TBC1D8: variants seen among roughly 807,000 people sequenced by gnomAD.
TBC1D8 encodes the protein TBC1 domain family member 8.
Under a neutral mutation model 118.8 loss-of-function variants are expected in TBC1D8, and 65 were observed. That is an observed-to-expected ratio of 0.55 (90% CI 0.45 to 0.67). The LOEUF (loss-of-function observed/expected upper bound fraction) is 0.67, where lower values mean the gene tolerates loss of function less well. Among genes scored for constraint, TBC1D8 ranks in the 30% least tolerant of loss-of-function variants. The probability of loss-of-function intolerance (pLI) is 0.00; values close to 1 mark genes in which losing one functional copy is unlikely to be tolerated. For missense variants in TBC1D8, 1,376 were observed against 1,471.2 expected (o/e 0.94, Z 1.06); for synonymous variants, 566 against 595.8 (o/e 0.95, Z 0.73).
intron 2 of TBC1D8, among the ~76,000 whole-genome samples, chr2:101,079,594 T>A (rs796705140): frequency 2.7e-5 from 4 of 150,242 alleles, no homozygotes; most frequent in African/African-American, 9.8e-5. Context: ...CAAGTTGGTC[T>A]GAAACTCTTG....
intron 2 of TBC1D8, among the ~76,000 whole-genome samples, chr2:101,067,249 G>T (rs186073196): frequency 6.6e-6 from 1 of 152,324 alleles, no homozygotes. Context: ...GTACAGCCAT[G>T]ACAAGGTACT....
In TBC1D8 at chr2:101,008,147, G is replaced by C; in HGVS notation, c.3142C>G (p.Arg1048Gly). ...GAGCAGCTTCCAGAGCTGCTGCCTCGCTGCCCCACCTCCCCGATCTGCAGC... is the reference window on the plus strand; with the variant it reads ...GAGCAGCTTCCAGAGCTGCTGCCTCCCTGCCCCACCTCCCCGATCTGCAGC... ...LLLQIGEVGQ[R>G]GSSSGSCSQE... The change falls in exon 20 of 20, where the codon CGA becomes GGA. Residue 1048 changes from arginine to glycine, a missense_variant. Transcript: ENST00000409318. 6.2e-7 allele frequency: 1 copy of C among 1,613,730 alleles called. No individual in the cohort carries two copies. The highest frequency in any genetic ancestry group is 8.5e-7 in the Non-Finnish European group (1 of 1,179,772).
At chr2:101,119,001 C>G (rs956269065) in intron 1 of TBC1D8, among the ~76,000 whole-genome samples, 2 of 152,078 alleles carry the variant, frequency 1.3e-5, no homozygotes, top group African/African-American at 4.8e-5. Context: ...CAGACTGAGA[C>G]CCTGTCTCTG....
chr2:101,129,881 G>A (rs1389642750), intron 1 of TBC1D8, among the ~76,000 whole-genome samples: 2 of 151,302 alleles, frequency 1.3e-5, no homozygotes, highest in African/African-American at 4.9e-5. Flanking sequence ...CTCCAGCCTG[G>A]GCAACAGGGC....
intron 1 of TBC1D8, among the ~76,000 whole-genome samples, chr2:101,113,020 C>T (rs1465397297): frequency 6.6e-6 from 1 of 152,112 alleles, no homozygotes; most frequent in Admixed American, 6.5e-5. Context: ...ACAAGACTTC[C>T]CATCTGAGTC....
intron 14 of TBC1D8, 46 bp downstream of exon 14, chr2:101,028,002 G>A (rs748107424): frequency 1.3e-6 from 2 of 1,567,622 alleles, no homozygotes; most frequent in South Asian, 1.1e-5. Context: ...CTCCCAGGTT[G>A]GCTCCCCAAT....
At chr2:101,127,144 G>A (rs1678390768) in intron 1 of TBC1D8, among the ~76,000 whole-genome samples, 1 of 152,106 alleles carries the variant, frequency 6.6e-6, no homozygotes, top group South Asian at 2.1e-4. Context: ...AGACCAGCCT[G>A]GCCAACACAG....
chr2:101,054,576 GTC>G (rs1002616850), intron 3 of TBC1D8, among the ~76,000 whole-genome samples: 7 of 150,914 alleles, frequency 4.6e-5, no homozygotes, highest in Non-Finnish European at 1.0e-4. Context: ...CCAAGAACCA[GTC>G]TCTCACTCGG....
intron 16 of TBC1D8, among the ~76,000 whole-genome samples, chr2:101,022,057 A>C (rs1488175630): frequency 6.6e-6 from 1 of 152,226 alleles, no homozygotes; most frequent in Non-Finnish European, 1.5e-5. Context: ...AAGCAAGGTG[A>C]ACAGCCTCGT....
chr2:101,013,284 C>G (rs1558618176), intron 17 of TBC1D8, among the ~76,000 whole-genome samples: 1 of 152,164 alleles, frequency 6.6e-6, no homozygotes, highest in Non-Finnish European at 1.5e-5. Flanking sequence ...TATTGATGAT[C>G]AGAAGGATAG....
At chr2:101,087,230 T>C (rs112372469) in intron 2 of TBC1D8, among the ~76,000 whole-genome samples, 2,378 of 152,148 alleles carry the variant, frequency 0.016, 58 homozygotes, top group African/African-American at 0.053. Flanking sequence ...AAAGTGTCAC[T>C]CAAGTCCAGA....
intron 1 of TBC1D8, among the ~76,000 whole-genome samples, chr2:101,113,377 A>G (rs1182654012): frequency 2.0e-5 from 3 of 150,582 alleles, no homozygotes; most frequent in Admixed American, 1.3e-4. Flanking sequence ...CAGGATACTG[A>G]GAATTGGAAG....
intron 1 of TBC1D8, among the ~76,000 whole-genome samples, chr2:101,093,870 T>C (rs1676216785): frequency 6.6e-6 from 1 of 152,082 alleles, no homozygotes; most frequent in Non-Finnish European, 1.5e-5. Flanking sequence ...CCACCACGCC[T>C]AGCTAATTTT....
chr2:101,079,604 G>C (rs1000478304), intron 2 of TBC1D8, among the ~76,000 whole-genome samples: 7 of 146,962 alleles, frequency 4.8e-5, no homozygotes, highest in Non-Finnish European at 7.4e-5. Context: ...TGAAACTCTT[G>C]GCCTCAAGTG....
rs34272976 is a variant in TBC1D8, at chr2:101,024,402, A to ATTT, written c.2521-1884_2521-1882dup. On this transcript the variant is annotated intron_variant, in intron 15 of 19. Transcript: ENST00000409318. Reference sequence around the variant, plus strand: ...CTTAGACACCATCAGTGGGACTGTAATTTTTTTTTTTTTTTTTTTTTGAGA... The same window carrying ATTT: ...CTTAGACACCATCAGTGGGACTGTAATTTTTTTTTTTTTTTTTTTTTTTTGAGA... 5.5e-3 allele frequency among the ~76,000 whole-genome samples: 663 copies of ATTT among 121,058 alleles called. 17 individuals carry two copies. Among genetic ancestry groups the ATTT allele is most frequent in the Non-Finnish European group, 6.6e-3 (400 of 60,320 alleles). The allele number at this position is 121,058 out of a possible 152,430, so 79.4% of individuals were successfully genotyped here. A position where few individuals can be genotyped will look rare whatever the true frequency, so the allele number is the denominator to read the frequency against.
At chr2:101,115,896 G>A (rs556043480) in intron 1 of TBC1D8, among the ~76,000 whole-genome samples, 33 of 152,276 alleles carry the variant, frequency 2.2e-4, no homozygotes, top group Non-Finnish European at 4.4e-4. Flanking sequence ...GCACACGCCA[G>A]CAAGGCCAGC....
chr2:101,145,020 G>A (rs921548618), intron 1 of TBC1D8, among the ~76,000 whole-genome samples: 3 of 152,164 alleles, frequency 2.0e-5, no homozygotes, highest in African/African-American at 7.2e-5. Context: ...AAATCCTTCT[G>A]CCTTCACTTC....
chr2:101,055,258 G>A (rs1469069775), intron 3 of TBC1D8, among the ~76,000 whole-genome samples: 1 of 151,812 alleles, frequency 6.6e-6, no homozygotes, highest in Non-Finnish European at 1.5e-5. Context: ...AGGTGTGGTG[G>A]TGCACCTGCA....
At chr2:101,096,990 A>G (rs1469059377) in intron 1 of TBC1D8, among the ~76,000 whole-genome samples, 4 of 152,206 alleles carry the variant, frequency 2.6e-5, no homozygotes, top group Non-Finnish European at 4.4e-5. Flanking sequence ...AGAACAGAGA[A>G]CACTAAGCAA....
Sources: allele counts gnomAD v4.1 joint callset (sites outside exome capture counted in the v4.1 genomes callset), GRCh38; gene constraint gnomAD v4.1.1; transcripts MANE v1.5; gene names NCBI Gene and HGNC (gene_info 2026-07-23, HGNC 2026-07-21).